The following DAPK1 variants were observed in gnomAD, a reference collection of about 807,000 sequenced individuals.
DAPK1 encodes the protein death associated protein kinase 1.
Under a neutral mutation model 144.9 loss-of-function variants are expected in DAPK1, and 56 were observed. That is an observed-to-expected ratio of 0.39 (90% confidence interval 0.31 to 0.48). DAPK1 has a LOEUF of 0.48. Ranked by LOEUF, DAPK1 falls within the 20% of genes least tolerant of loss-of-function variation. The probability of loss-of-function intolerance (pLI) is 0.95; values close to 1 mark genes in which losing one functional copy is unlikely to be tolerated. For missense variants in DAPK1, 1,454 were observed against 1,875.4 expected, an observed-to-expected ratio of 0.78 and a Z score of 4.15; for synonymous variants, 690 against 749.0, an observed-to-expected ratio of 0.92 and a Z score of 1.29.
intron 2 of DAPK1, among the ~76,000 whole-genome samples, chr9:87,544,887 T>C (rs933478294): frequency 6.6e-6 from 1 of 152,206 alleles, no homozygotes; most frequent in Non-Finnish European, 1.5e-5. Context: ...TCCCATTCCC[T>C]ACCCCAGCAA....
In DAPK1 at chr9:87,686,760, G is replaced by T; in HGVS notation, c.2413+21G>T. The T allele has an allele frequency of 6.3e-7, 1 of 1,575,464 alleles. No individual in the cohort carries two copies. The highest frequency in any genetic ancestry group is 1.3e-5 in the African/African-American group (1 of 74,296). The stretch of plus-strand genomic sequence containing the variant: ...GAATGGTATGCCCTGCCTGCCCCAA[G>T]GGAAGGACCTCAGGTTTCCCTTCAA... On this transcript the variant is annotated intron_variant, in intron 21 of 25. Transcript: ENST00000408954. This position sits in a 1 kb window ranked among gnomAD's most constrained non-coding sequence, Gnocchi z 4.2.
At chr9:87,525,616 A>C in intron 2 of DAPK1, 1 of 652,622 alleles carries the variant, frequency 1.5e-6, no homozygotes, top group Non-Finnish European at 2.7e-6. Context: ...AGTTTCCAAA[A>C]AGAACCTGAG....
At chr9:87,640,640 G>A (rs1467602249) in intron 8 of DAPK1, among the ~76,000 whole-genome samples, 162 bp from the exon 9 acceptor site, 1 of 152,222 alleles carries the variant, frequency 6.6e-6, no homozygotes, top group African/African-American at 2.4e-5. Context: ...GTCCCTGCAG[G>A]CACAGTGAAA....
intron 19 of DAPK1, among the ~76,000 whole-genome samples, chr9:87,676,631 G>A (rs1050224051): frequency 2.6e-5 from 4 of 152,350 alleles, no homozygotes; most frequent in Non-Finnish European, 5.9e-5. Context: ...GCAGTTTCCT[G>A]GCCTCTCTTC....
Position 87,668,661 on chromosome 9 carries a change from C to A in DAPK1, c.1988C>A (p.Ala663Glu). ...CACGAGCACGTAGCAGGTCTCCTTG[C>A]AAGACTTCGAAAGGTGAGAAGTTCT... ...EQHEHVAGLLARLRKDTHRGL... is the reference protein window; with the variant it reads ...EQHEHVAGLLERLRKDTHRGL... The change falls in exon 19 of 26, where the codon GCA becomes GAA. Residue 663 changes from alanine to glutamate, a missense_variant. Coordinates refer to ENST00000408954, the MANE Select transcript of DAPK1 (RefSeq NM_004938.4). The A allele has an allele frequency of 2.2e-6, 3 of 1,343,748 alleles. No individual in the cohort carries two copies. The highest frequency in any genetic ancestry group is 3.2e-6 in the Non-Finnish European group (3 of 932,884). The allele number at this position is 1,343,748 out of a possible 1,614,324, so 83.2% of individuals were successfully genotyped here.
At chr9:87,679,622 C>T (rs982746911) in intron 19 of DAPK1, among the ~76,000 whole-genome samples, 4 of 152,286 alleles carry the variant, frequency 2.6e-5, no homozygotes, top group Non-Finnish European at 4.4e-5. Context: ...CTCCCCAAGA[C>T]CATGGATCTG....
intron 19 of DAPK1, chr9:87,668,925 A>G (rs1030495714): frequency 2.8e-5 from 13 of 463,714 alleles, no homozygotes; most frequent in Non-Finnish European, 4.7e-5. Context: ...TCCTTCTCCC[A>G]CTCTCTCTAT....
intron 2 of DAPK1, among the ~76,000 whole-genome samples, chr9:87,569,502 G>A (rs1326653853): frequency 6.6e-6 from 1 of 152,208 alleles, no homozygotes; most frequent in African/African-American, 2.4e-5. Flanking sequence ...AAATACTTTA[G>A]TGTCCTACTT....
At chr9:87,680,735 A>G (rs1035803737) in intron 19 of DAPK1, among the ~76,000 whole-genome samples, 5 of 152,152 alleles carry the variant, frequency 3.3e-5, no homozygotes, top group African/African-American at 1.2e-4. Context: ...GGAAATAGGC[A>G]GATTCTTAGA....
At position 87,700,151 on chromosome 9, in the gene DAPK1, T is replaced by C; in HGVS notation, c.2785T>C (p.Phe929Leu). ...GNDLHISNKL[F>L]VLDAGASGSK... The stretch of plus-strand genomic sequence containing the variant: ...TGATCTTCACATTTCAAATAAGCTG[T>C]TTGTTCTGGATGCTGGGGCTTCTGG... The change falls in exon 24 of 26, where the codon TTT (phenylalanine) becomes CTT (leucine). Residue 929 changes from phenylalanine to leucine, a missense_variant. Around this residue, in one of 2 missense-constraint regions of DAPK1, gnomAD observed 1,025 missense variants for 1,237.9 expected, o/e 0.83. Coordinates refer to ENST00000408954, the MANE Select transcript of DAPK1 (RefSeq NM_004938.4). 6.2e-7 allele frequency: 1 copy of C among 1,610,282 alleles called. No homozygotes were observed. The highest frequency in any genetic ancestry group is 8.5e-7 in the Non-Finnish European group (1 of 1,176,486).
chr9:87,622,550 T>C (rs564925156), intron 3 of DAPK1, among the ~76,000 whole-genome samples: 5 of 152,106 alleles, frequency 3.3e-5, no homozygotes, highest in Admixed American at 1.3e-4. Context: ...AAAAAAAAGA[T>C]TGCTTTTGGT....
At chr9:87,600,129 C>T (rs777942293) in intron 2 of DAPK1, among the ~76,000 whole-genome samples, 40 of 152,112 alleles carry the variant, frequency 2.6e-4, no homozygotes, top group Non-Finnish European at 4.3e-4. Context: ...AGAGCACACT[C>T]GATTATGGTG....
At position 87,706,412 on chromosome 9, in the gene DAPK1, G is replaced by A. The variant is rs375598719; in HGVS notation, c.3341G>A (p.Arg1114His). The A allele has an allele frequency of 5.0e-5, 81 of 1,612,850 alleles. No individual in the cohort carries two copies. The highest frequency in any genetic ancestry group is 8.0e-5 in the African/African-American group (6 of 75,016). ...PALIKTDNLH[R>H]SWADEEDEVM... Reference sequence around the variant, plus strand: ...CTGATCAAGACAGACAACCTGCACCGCTCCTGGGCTGATGAGGAGGACGAG... The same window carrying A: ...CTGATCAAGACAGACAACCTGCACCACTCCTGGGCTGATGAGGAGGACGAG... Residue 1114 changes from arginine (R) to histidine (H), a missense_variant, in exon 26 of 26, where the codon CGC becomes CAC. Physicochemically the swap from Arg to His is conservative, Grantham distance 29 (BLOSUM62 0). Coordinates refer to ENST00000408954, the MANE Select transcript of DAPK1 (RefSeq NM_004938.4). This position sits in a 1 kb window ranked among gnomAD's most constrained non-coding sequence, Gnocchi z 9.0.
At chr9:87,668,885 T>A (rs1831156115) in intron 19 of DAPK1, 2 of 540,360 alleles carry the variant, frequency 3.7e-6, no homozygotes, top group African/African-American at 3.8e-5. Context: ...GGAAATCATT[T>A]AGCATGTTTG....
upstream of DAPK1, chr9:87,497,425 T>A (rs1824205832): frequency 6.6e-6 from 1 of 152,294 alleles, no homozygotes. Context: ...CCCACCAGAA[T>A]GCAGGTTTCC....
At chr9:87,522,524 T>G (rs538533864) in intron 2 of DAPK1, among the ~76,000 whole-genome samples, 2 of 152,376 alleles carry the variant, frequency 1.3e-5, no homozygotes, top group Admixed American at 1.3e-4. Context: ...TCTCTATGAT[T>G]TACTGTCATT....
intron 2 of DAPK1, among the ~76,000 whole-genome samples, chr9:87,544,225 T>C (rs1260367283): frequency 6.6e-6 from 1 of 152,194 alleles, no homozygotes; most frequent in Non-Finnish European, 1.5e-5. Flanking sequence ...CATGAATAAG[T>C]ATATAAATAT....
chr9:87,643,347 C>CCTTT, intron 10 of DAPK1, 29 bp from the exon 11 acceptor site: 1 of 1,001,886 alleles, frequency 1.0e-6, no homozygotes, highest in Non-Finnish European at 1.4e-6. Context: ...CCCGCCCTCC[C>CCTTT]TTTTTTTTTT....
chr9:87,557,996 T>A (rs1173108848), intron 2 of DAPK1, among the ~76,000 whole-genome samples: 1 of 152,228 alleles, frequency 6.6e-6, no homozygotes, highest in Non-Finnish European at 1.5e-5. Flanking sequence ...TGTCTCTTGT[T>A]GGATAAGTCA....
Sources: allele counts gnomAD v4.1 joint callset (sites outside exome capture counted in the v4.1 genomes callset), GRCh38; gene constraint gnomAD v4.1.1; regional missense constraint gnomAD v4.1.1; non-coding constraint Gnocchi (gnomAD v3.1); transcripts MANE v1.5; gene names NCBI Gene and HGNC (gene_info 2026-07-23, HGNC 2026-07-21).